The following ANKS1B variants were observed in gnomAD, a reference collection of about 807,000 sequenced individuals.
ANKS1B encodes the protein ankyrin repeat and sterile alpha motif domain containing 1B.
ANKS1B carries 36 observed loss-of-function variants against 148.3 expected under a neutral mutation model. That is an observed-to-expected ratio of 0.24 (90% CI 0.19 to 0.32). The LOEUF (loss-of-function observed/expected upper bound fraction) is 0.32, where lower values mean the gene tolerates loss of function less well. Ranked by LOEUF, ANKS1B falls within the 10% of genes least tolerant of loss-of-function variation. The probability of loss-of-function intolerance (pLI) is 1.00; values close to 1 mark genes in which losing one functional copy is unlikely to be tolerated. For synonymous variants in ANKS1B, 542 were observed against 560.8 expected, an observed-to-expected ratio of 0.97 and a Z score of 0.47; for missense variants, 1,157 against 1,542.6, an observed-to-expected ratio of 0.75 and a Z score of 4.19.
intron 1 of ANKS1B, among the ~76,000 whole-genome samples, chr12:99,965,542 A>G (rs1367638619): frequency 6.6e-6 from 1 of 152,232 alleles, no homozygotes; most frequent in Non-Finnish European, 1.5e-5. Context: ...AATGAACATT[A>G]TCAGCAACGG....
At chr12:99,974,004 C>T (rs1196146651) in intron 1 of ANKS1B, among the ~76,000 whole-genome samples, 1 of 152,176 alleles carries the variant, frequency 6.6e-6, no homozygotes, top group African/African-American at 2.4e-5. Context: ...CAAACAGCAT[C>T]CCATGCTACG....
chr12:99,405,665 A>T (rs754082132), intron 11 of ANKS1B, among the ~76,000 whole-genome samples: 1 of 144,680 alleles, frequency 6.9e-6, no homozygotes, highest in Non-Finnish European at 1.5e-5. Flanking sequence ...AAATAACACA[A>T]TGGCAGGATA....
In ANKS1B at chr12:98,800,953, C is replaced by T. The variant is rs374670079; in HGVS notation, c.3270+44G>A. ...ATGCAAACAAGCTGAAAACATACCC[C>T]CTATCTCCACTTAGGCCCAAATACT... On this transcript the variant is annotated intron_variant, in intron 21 of 26. Transcript: ENST00000683438. The T allele has an allele frequency of 3.3e-5, 53 of 1,585,026 alleles. 1 individual carries two copies. The South Asian group carries it at 5.8e-4, about 17-fold the overall frequency.
chr12:99,447,167 A>G (rs892913553), intron 10 of ANKS1B, among the ~76,000 whole-genome samples: 2 of 152,122 alleles, frequency 1.3e-5, no homozygotes, highest in South Asian at 2.1e-4. Context: ...AAATAAATAC[A>G]CATATTTTTG....
intron 8 of ANKS1B, among the ~76,000 whole-genome samples, chr12:99,672,146 C>T (rs979348279): frequency 5.3e-5 from 8 of 152,000 alleles, no homozygotes; most frequent in African/African-American, 1.9e-4. Context: ...AATTGGAATA[C>T]CTGAACCACA....
At position 99,229,524 on chromosome 12, in the gene ANKS1B, G is replaced by A. The variant is rs142937362; in HGVS notation, c.2419+14818C>T. ...ACACTTCAGTATCAAAAACACTAGT[G>A]GATGACAATTCCTTTGCTATTAGAA... On this transcript the variant is annotated intron_variant, in intron 14 of 26. Coordinates refer to ENST00000683438, the MANE Select transcript of ANKS1B (RefSeq NM_001352186.2). Among the ~76,000 whole-genome samples, 307 of 151,926 alleles carry A rather than the reference G, an allele frequency of 2.0e-3. 1 individual carries two copies. The highest frequency in any genetic ancestry group is 7.1e-3 in the African/African-American group (296 of 41,490).
At chr12:99,828,818 ACCAAAAATAC>A in intron 1 of ANKS1B, among the ~76,000 whole-genome samples, 1 of 151,966 alleles carries the variant, frequency 6.6e-6, no homozygotes, top group South Asian at 2.1e-4. Context: ...CTCCATCTCT[ACCAAAAATAC>A]AAAAATTAGC....
chr12:99,135,374 G>C (rs1357769385), intron 15 of ANKS1B, among the ~76,000 whole-genome samples: 1 of 151,992 alleles, frequency 6.6e-6, no homozygotes, highest in Admixed American at 6.6e-5. Context: ...AATAATAGAA[G>C]GGAATTTCCC....
chr12:99,615,285 G>C (rs527483840), intron 9 of ANKS1B, among the ~76,000 whole-genome samples: 1 of 150,356 alleles, frequency 6.7e-6, no homozygotes, highest in Admixed American at 6.6e-5. Flanking sequence ...AATATGACTT[G>C]TTGTCCTTTC....
intron 15 of ANKS1B, 45 bp from the exon 16 acceptor site, chr12:99,085,068 C>T (rs767492885): frequency 2.6e-5 from 38 of 1,439,180 alleles, no homozygotes; most frequent in Non-Finnish European, 3.6e-5. Flanking sequence ...AGCATTTATA[C>T]TGTGGATAAA....
At chr12:99,313,846 G>A (rs1368361235) in intron 12 of ANKS1B, among the ~76,000 whole-genome samples, 1 of 152,104 alleles carries the variant, frequency 6.6e-6, no homozygotes, top group African/African-American at 2.4e-5. Context: ...CATTCCCTTC[G>A]AAAACTGGTA....
chr12:99,982,819 A>G (rs1035962369), intron 1 of ANKS1B, among the ~76,000 whole-genome samples: 12 of 152,234 alleles, frequency 7.9e-5, no homozygotes, highest in African/African-American at 2.9e-4. Context: ...GTCACTGTCA[A>G]CGAGTATATA....
At chr12:99,607,696 G>A (rs922341666) in intron 9 of ANKS1B, among the ~76,000 whole-genome samples, 1 of 152,086 alleles carries the variant, frequency 6.6e-6, no homozygotes, top group Non-Finnish European at 1.5e-5. Flanking sequence ...GAAGGCTTCT[G>A]AGACTTTTCA....
chr12:99,239,781 G>T (rs1037861174), intron 14 of ANKS1B, among the ~76,000 whole-genome samples: 1 of 152,166 alleles, frequency 6.6e-6, no homozygotes, highest in Non-Finnish European at 1.5e-5. Flanking sequence ...TTAAAGAAAA[G>T]AATTTTCAAC....
At chr12:99,581,325 C>T (rs2097567576) in intron 9 of ANKS1B, among the ~76,000 whole-genome samples, 1 of 152,010 alleles carries the variant, frequency 6.6e-6, no homozygotes, top group Non-Finnish European at 1.5e-5. Flanking sequence ...AAATTTTCAA[C>T]AAATGGCACA....
chr12:99,258,226 T>C (rs1204311192), intron 12 of ANKS1B, among the ~76,000 whole-genome samples: 2 of 152,174 alleles, frequency 1.3e-5, no homozygotes, highest in Non-Finnish European at 2.9e-5. Flanking sequence ...TGTCTTGTAA[T>C]GTATGATGTA....
chr12:98,975,422 C>T (rs190276784), intron 17 of ANKS1B, among the ~76,000 whole-genome samples: 2 of 151,768 alleles, frequency 1.3e-5, no homozygotes, highest in East Asian at 3.9e-4. Context: ...TTCTTCCCTC[C>T]CCCTTCCTTC....
chr12:99,626,714 C>T lies in ANKS1B; in HGVS notation c.1272+28353G>A, dbSNP rs563826052. ...AGGGCCTGACTGGCATACATTGGGG[C>T]GAATGGAAAACCATCCTGGGAATCT... On this transcript the variant is annotated intron_variant, in intron 9 of 26. Transcript: ENST00000683438. Among the ~76,000 whole-genome samples the T allele has an allele frequency of 3.1e-4, 47 of 152,186 alleles. No individual in the cohort carries two copies. In the South Asian group the frequency reaches 7.5e-3, roughly 24 times the overall value.
chr12:99,647,924 G>A (rs1296877883), intron 9 of ANKS1B: 2 of 495,662 alleles, frequency 4.0e-6, no homozygotes, highest in Non-Finnish European at 7.1e-6. Flanking sequence ...CAACACCTGT[G>A]CTCCTGACAG....
Sources: gnomAD v4.1 joint callset for allele counts (sites outside exome capture counted in the v4.1 genomes callset) on GRCh38, gnomAD v4.1.1 for gene constraint, MANE v1.5 for transcripts, NCBI Gene and HGNC (gene_info 2026-07-23, HGNC 2026-07-21) for gene names.